FGD6: variants seen among roughly 807,000 people sequenced by gnomAD.
The protein encoded by FGD6 is FYVE, RhoGEF and PH domain containing 6.
In FGD6, 90 loss-of-function variants were observed where a neutral mutation model predicts 149.4. The observed-to-expected ratio is 0.60, with a 90% CI of 0.51 to 0.72. The LOEUF is 0.72. Among genes scored for constraint, FGD6 ranks in the 30% least tolerant of loss-of-function variants. The pLI is 0.00. For missense variants in FGD6, 1,437 were observed against 1,684.8 expected, an observed-to-expected ratio of 0.85 and a Z score of 2.57; for synonymous variants, 527 against 584.0, an observed-to-expected ratio of 0.90 and a Z score of 1.41.
chr12:95,143,879 G>A (rs1879930598), intron 5 of FGD6, among the ~76,000 whole-genome samples: 1 of 152,176 alleles, frequency 6.6e-6, no homozygotes, highest in South Asian at 2.1e-4. Context: ...AGAGTTCCTT[G>A]CTCAGCAAAG....
rs752479385 is a variant in FGD6, at chr12:95,105,099, A to C, written c.3418-13T>G. 4 of 1,596,584 alleles carry C rather than the reference A, an allele frequency of 2.5e-6. No individual in the cohort carries two copies. The highest frequency in any genetic ancestry group is 3.4e-6 in the Non-Finnish European group (4 of 1,175,226). ...TAGGTTTTCTGACCTGGAAGAAAGC[A>C]CAACAATTTGAGCCGACTCATCCTA... On this transcript the variant is annotated splice_polypyrimidine_tract_variant and intron_variant, in intron 13 of 20. Transcript: ENST00000343958.
intron 8 of FGD6, among the ~76,000 whole-genome samples, chr12:95,120,032 C>T (rs564761391): frequency 7.3e-4 from 111 of 151,964 alleles, no homozygotes; most frequent in Non-Finnish European, 1.2e-3. Context: ...AGTTCGAGAC[C>T]TCCCTGACCA....
chr12:95,100,914 C>T, intron 14 of FGD6: 1 of 363,482 alleles, frequency 2.8e-6, no homozygotes, highest in Non-Finnish European at 5.3e-6. Flanking sequence ...ATTTTTGCTC[C>T]TGACAAGAAA....
At chr12:95,187,155 C>G (rs1881459762) in intron 2 of FGD6, among the ~76,000 whole-genome samples, 1 of 148,534 alleles carries the variant, frequency 6.7e-6, no homozygotes, top group Non-Finnish European at 1.5e-5. Context: ...TACGGTGAAA[C>G]CCCATCTCTA....
chr12:95,134,328 CAAGT>C (rs1313769800), intron 8 of FGD6, among the ~76,000 whole-genome samples: 1 of 152,032 alleles, frequency 6.6e-6, no homozygotes, highest in Non-Finnish European at 1.5e-5. Context: ...CCTTCTGAGG[CAAGT>C]AACTAGGGCT....
intron 8 of FGD6, among the ~76,000 whole-genome samples, chr12:95,132,937 A>C (rs1343027178): frequency 6.6e-6 from 1 of 152,252 alleles, no homozygotes; most frequent in Non-Finnish European, 1.5e-5. Flanking sequence ...TAGCTGGTTT[A>C]TGAGAAGCAC....
At chr12:95,095,316 TAATTCAG>T (rs1208753831) in intron 14 of FGD6, among the ~76,000 whole-genome samples, 1 of 152,110 alleles carries the variant, frequency 6.6e-6, no homozygotes, top group East Asian at 1.9e-4. Context: ...GAGGTATCTT[TAATTCAG>T]CGCTAGATGG....
chr12:95,195,300 T>A lies in FGD6; in HGVS notation c.2441+13543A>T, dbSNP rs1592872557. ...CAGAGATCTCTGAAATCAACTGTCA[T>A]CAGGTAGGAATCTCTGCCAAAGAAT... On this transcript the variant is annotated intron_variant, in intron 2 of 20. Coordinates refer to ENST00000343958, the MANE Select transcript of FGD6 (RefSeq NM_018351.4). Among the ~76,000 whole-genome samples, 4 of 152,094 alleles carry A rather than the reference T, an allele frequency of 2.6e-5. No individual in the cohort carries two copies. In the South Asian group the frequency reaches 8.3e-4, roughly 31 times the overall value.
At chr12:95,098,780 TCAC>T (rs1324392579) in intron 14 of FGD6, among the ~76,000 whole-genome samples, 5 of 152,160 alleles carry the variant, frequency 3.3e-5, no homozygotes, top group African/African-American at 4.8e-5. Flanking sequence ...CACCATTTAA[TCAC>T]CACAATACTT....
chr12:95,093,436 T>C (rs1385321312), intron 15 of FGD6, among the ~76,000 whole-genome samples: 1 of 151,956 alleles, frequency 6.6e-6, no homozygotes, highest in Non-Finnish European at 1.5e-5. Context: ...TACCAGCACT[T>C]TGGGAGGCCG....
chr12:95,083,030 T>TATATATACACACACAC (rs772685891), intron 20 of FGD6, among the ~76,000 whole-genome samples: 5 of 56,576 alleles, frequency 8.8e-5, no homozygotes, highest in Non-Finnish European at 6.5e-5. Context: ...TATATATATA[T>TATATATACACACACAC]ACACACACAT....
chr12:95,175,256 A>T (rs990301436), intron 2 of FGD6, among the ~76,000 whole-genome samples: 11 of 152,184 alleles, frequency 7.2e-5, no homozygotes, highest in African/African-American at 1.9e-4. Context: ...AAATTTCCAA[A>T]GACAAGGAAA....
rs763548017 is a variant in FGD6 at position 95,210,439 on chromosome 12, G to A, written c.845C>T (p.Thr282Ile). The change falls in exon 2 of 21, where the codon ACT (threonine) becomes ATT (isoleucine). Residue 282 changes from threonine to isoleucine, a missense_variant. This residue lies in a region of FGD6 where 1,055 missense variants were observed against 1,146.0 expected (regional missense o/e 0.92). Coordinates refer to ENST00000343958, the MANE Select transcript of FGD6 (RefSeq NM_018351.4). ...ACTAACTCCATCTGAAGATATTAAA[G>A]TACTCCTTTTCCCATTTTCCAGAGC... ...LEALENGKRS[T>I]LISSDGVSKK... The A allele has an allele frequency of 8.7e-6, 14 of 1,613,976 alleles. No individual in the cohort carries two copies. Among genetic ancestry groups the A allele is most frequent in the African/African-American group, 5.3e-5 (4 of 74,906 alleles).
chr12:95,198,373 AC>A (rs1247585951), intron 2 of FGD6, among the ~76,000 whole-genome samples: 44 of 152,368 alleles, frequency 2.9e-4, no homozygotes, highest in African/African-American at 9.9e-4. Flanking sequence ...ACGAAATGGT[AC>A]ACGCAAGAGC....
At chr12:95,152,882 A>G (rs754021554) in intron 4 of FGD6, 41 bp from the exon 5 acceptor site, 2 of 1,613,622 alleles carry the variant, frequency 1.2e-6, no homozygotes, top group Non-Finnish European at 1.7e-6. Flanking sequence ...TAAATGTGCC[A>G]ATGGGGGGAA....
chr12:95,084,665 A>G lies in FGD6; in HGVS notation c.4108-19T>C. ...CCACGTCCTAATTTAAAAACATACA[A>G]ATGGAGAAAAGTTTTTAGATTGAGA... On this transcript the variant is annotated intron_variant, in intron 19 of 20. Coordinates refer to ENST00000343958, the MANE Select transcript of FGD6 (RefSeq NM_018351.4). 2 of 1,552,554 alleles carry G rather than the reference A, an allele frequency of 1.3e-6. No homozygotes were observed. Among genetic ancestry groups the G allele is most frequent in the Non-Finnish European group, 1.7e-6 (2 of 1,158,426 alleles).
rs1362804208 is a variant in FGD6 at position 95,108,409 on chromosome 12, T to A, written c.3203A>T (p.Gln1068Leu). 1 of 1,614,150 alleles carries A rather than the reference T, an allele frequency of 6.2e-7. No homozygotes were observed. The highest frequency in any genetic ancestry group is 8.5e-7 in the Non-Finnish European group (1 of 1,180,008). ...NDTMKQGDNF[Q>L]KLMQIQYSLN... ...GCTGTACTGAATTTGCATAAGTTTC[T>A]GAAAGTTGTCCTACAGAAAGACAAT... is the stretch of plus-strand genomic sequence containing the variant. The change falls in exon 11 of 21, where the codon CAG (glutamine) becomes CTG (leucine). Residue 1068 changes from glutamine to leucine, a missense_variant. By Grantham distance (113) the Gln-to-Leu change is moderately radical. Coordinates refer to ENST00000343958, the MANE Select transcript of FGD6 (RefSeq NM_018351.4).
chr12:95,135,679 G>C (rs1879645268), intron 7 of FGD6, among the ~76,000 whole-genome samples: 1 of 152,094 alleles, frequency 6.6e-6, no homozygotes, highest in Non-Finnish European at 1.5e-5. Context: ...AGCGCAAGTT[G>C]GTTGATAAGT....
intron 8 of FGD6, among the ~76,000 whole-genome samples, chr12:95,119,019 T>C (rs1252241256): frequency 2.0e-5 from 3 of 152,184 alleles, no homozygotes; most frequent in Non-Finnish European, 4.4e-5. Flanking sequence ...CGATGGCTCA[T>C]GCCTGTAATC....
Sources: gnomAD v4.1 joint callset for allele counts (sites outside exome capture counted in the v4.1 genomes callset) on GRCh38, gnomAD v4.1.1 for gene constraint, gnomAD v4.1.1 regional missense constraint, MANE v1.5 for transcripts, NCBI Gene and HGNC (gene_info 2026-07-23, HGNC 2026-07-21) for gene names.